The following PKD1L1 variants were observed in gnomAD, a reference collection of about 807,000 sequenced individuals.
PKD1L1 encodes the protein polycystin 1 like 1, transient receptor potential channel interacting, also known as polycystin-1-like protein 1.
Under a neutral mutation model 323.4 loss-of-function variants are expected in PKD1L1, and 236 were observed. The observed-to-expected ratio is 0.73, with a 90% CI of 0.66 to 0.81. PKD1L1 has a LOEUF of 0.81. Among genes scored for constraint, PKD1L1 ranks in the 40% least tolerant of loss-of-function variants. PKD1L1 has a pLI of 0.00. For synonymous variants in PKD1L1, 1,344 were observed against 1,335.0 expected (o/e 1.01, Z -0.15); for missense variants, 3,320 against 3,508.0 (o/e 0.95, Z 1.35).
At chr7:47,797,123 G>T (rs1464399150) in intron 54 of PKD1L1, among the ~76,000 whole-genome samples, 1 of 152,142 alleles carries the variant, frequency 6.6e-6, no homozygotes, top group Non-Finnish European at 1.5e-5. Flanking sequence ...GCCCCAAGCT[G>T]CTGCTGGCTT....
intron 53 of PKD1L1, among the ~76,000 whole-genome samples, chr7:47,802,133 A>G (rs1463828514): frequency 6.7e-6 from 1 of 150,256 alleles, no homozygotes; most frequent in Non-Finnish European, 1.5e-5. Flanking sequence ...GGAGCTTTGC[A>G]GTGAGCCGAG....
intron 56 of PKD1L1, among the ~76,000 whole-genome samples, chr7:47,777,022 G>C (rs943899689): frequency 1.3e-5 from 2 of 152,134 alleles, no homozygotes; most frequent in Non-Finnish European, 2.9e-5. Flanking sequence ...TTCCTGAGTA[G>C]CTGGGATTAC....
intron 9 of PKD1L1, among the ~76,000 whole-genome samples, chr7:47,906,199 T>G (rs964899898): frequency 3.9e-5 from 6 of 152,266 alleles, no homozygotes; most frequent in African/African-American, 7.2e-5. Context: ...ACTCCCTGCA[T>G]GGTATTAAAT....
intron 8 of PKD1L1, among the ~76,000 whole-genome samples, chr7:47,910,770 C>T (rs1338995021): frequency 6.6e-6 from 1 of 151,566 alleles, no homozygotes; most frequent in African/African-American, 2.4e-5. Flanking sequence ...GATTCTCCTG[C>T]CTCACCCTCC....
At chr7:47,901,341 A>G (rs1209513860) in intron 13 of PKD1L1, among the ~76,000 whole-genome samples, 3 of 151,266 alleles carry the variant, frequency 2.0e-5, no homozygotes, top group Admixed American at 6.6e-5. Flanking sequence ...AAAAAAAAAA[A>G]AAAAAAAGAA....
chr7:47,863,262 C>T lies in PKD1L1; in HGVS notation c.4149+1954G>A, dbSNP rs56344261. On this transcript the variant is annotated intron_variant, in intron 26 of 56. Transcript: ENST00000289672. ...GGTTGGAAGGGGTTGGGGGAGGAGC[C>T]CACTCTGCCATGCTGGGTCTGTGCA... 8.9e-3 allele frequency among the ~76,000 whole-genome samples: 1,357 copies of T among 152,140 alleles called. 21 individuals carry two copies. Among genetic ancestry groups the T allele is most frequent in the African/African-American group, 0.031 (1,270 of 41,502 alleles).
At chr7:47,937,056 A>C (rs1482413278) in intron 3 of PKD1L1, 98 bp from the exon 4 acceptor site, 54 of 914,478 alleles carry the variant, frequency 5.9e-5, no homozygotes, top group Non-Finnish European at 2.4e-5. Context: ...ATAGCAGTGG[A>C]CCCCTGCTGT....
intron 44 of PKD1L1, among the ~76,000 whole-genome samples, chr7:47,828,402 G>C (rs1311324023): frequency 6.6e-6 from 1 of 151,908 alleles, no homozygotes; most frequent in Non-Finnish European, 1.5e-5. Flanking sequence ...AGAAAGGAAA[G>C]CTGAGATCCA....
intron 14 of PKD1L1, among the ~76,000 whole-genome samples, chr7:47,896,550 A>T: frequency 1.3e-5 from 2 of 148,970 alleles, no homozygotes; most frequent in African/African-American, 2.5e-5. Flanking sequence ...TTTGGGGGGG[A>T]CTTAGGATTT....
chr7:47,818,129 G>C (rs1193760630), intron 46 of PKD1L1: 1 of 1,367,826 alleles, frequency 7.3e-7, no homozygotes, highest in East Asian at 4.5e-5. Flanking sequence ...CCCAGAGGGT[G>C]GAATGAAGCA....
intron 10 of PKD1L1, 77 bp downstream of exon 10, chr7:47,905,765 CT>C: frequency 6.4e-7 from 1 of 1,567,034 alleles, no homozygotes; most frequent in Non-Finnish European, 8.6e-7. Flanking sequence ...AAACCTGCTG[CT>C]GCCTACGGCT....
Position 47,858,890 on chromosome 7 carries a change from A to C in PKD1L1, c.4150-5T>G. On this transcript the variant is annotated splice_region_variant and splice_polypyrimidine_tract_variant and intron_variant, in intron 26 of 56. Transcript: ENST00000289672. The stretch of plus-strand genomic sequence containing the variant: ...AACCGCACTCATAAAGCCTAGCTGC[A>C]TGAACAGAAAAGATGTAAATAAAAT... 1 of 1,612,996 alleles carries C rather than the reference A, an allele frequency of 6.2e-7. No homozygotes were observed. Among genetic ancestry groups the C allele is most frequent in the South Asian group, 1.1e-5 (1 of 91,010 alleles).
intron 56 of PKD1L1, among the ~76,000 whole-genome samples, chr7:47,781,824 A>G (rs1485730327): frequency 1.3e-5 from 2 of 152,012 alleles, no homozygotes; most frequent in African/African-American, 4.8e-5. Context: ...TCCATTTTGA[A>G]TTATTTTTGT....
chr7:47,837,748 T>C (rs1007688810), intron 36 of PKD1L1, among the ~76,000 whole-genome samples: 2 of 152,174 alleles, frequency 1.3e-5, no homozygotes, highest in Non-Finnish European at 2.9e-5. Context: ...TGTTTAGGAA[T>C]TGCACTAAAT....
rs115421496 is a variant in PKD1L1, at chr7:47,787,327, T to C, written c.8526+5300A>G. On this transcript the variant is annotated intron_variant, in intron 56 of 56. Coordinates refer to ENST00000289672, the MANE Select transcript of PKD1L1 (RefSeq NM_138295.5). ...ATTAACTTTTTGCCAAACATACTTT[T>C]GATAAATACCTCATAAAGTGATAGT... is the stretch of plus-strand genomic sequence containing the variant. 2.4e-3 allele frequency among the ~76,000 whole-genome samples: 373 copies of C among 152,292 alleles called. 2 individuals carry two copies. Among genetic ancestry groups the C allele is most frequent in the African/African-American group, 8.8e-3 (365 of 41,564 alleles).
At chr7:47,798,827 T>C (rs1584950127) in intron 54 of PKD1L1, among the ~76,000 whole-genome samples, 1 of 150,564 alleles carries the variant, frequency 6.6e-6, no homozygotes, top group East Asian at 1.9e-4. Flanking sequence ...GGAGAAAATA[T>C]GTGACCTTGG....
intron 25 of PKD1L1, among the ~76,000 whole-genome samples, chr7:47,865,783 G>A (rs1199562007): frequency 8.1e-5 from 12 of 148,994 alleles, no homozygotes; most frequent in African/African-American, 3.0e-4. Context: ...TTTTAGCAGA[G>A]ACGGGGTTTC....
At chr7:47,902,600 G>A in intron 12 of PKD1L1, 89 bp from the exon 13 acceptor site, 1 of 1,437,588 alleles carries the variant, frequency 7.0e-7, no homozygotes, top group South Asian at 1.3e-5. Flanking sequence ...CATATCTGCA[G>A]AATTATAGTA....
intron 45 of PKD1L1, among the ~76,000 whole-genome samples, chr7:47,825,682 TC>T (rs1443762971): frequency 1.3e-5 from 2 of 152,136 alleles, no homozygotes; most frequent in Admixed American, 1.3e-4. Context: ...ACTTTTATTT[TC>T]CCTTTTTGTG....
Sources: gnomAD v4.1 joint callset for allele counts (sites outside exome capture counted in the v4.1 genomes callset) on GRCh38, gnomAD v4.1.1 for gene constraint, MANE v1.5 for transcripts, NCBI Gene and HGNC (gene_info 2026-07-23, HGNC 2026-07-21) for gene names.